The following SLC16A7 variants were observed in gnomAD, a reference collection of about 807,000 sequenced individuals.
SLC16A7 encodes the protein monocarboxylate transporter 2.
Under a neutral mutation model 34.9 loss-of-function variants are expected in SLC16A7, and 33 were observed. The ratio of observed to expected loss-of-function variants is 0.94; its 90% CI spans 0.72 to 1.26. The LOEUF (loss-of-function observed/expected upper bound fraction) is 1.26, where lower values mean the gene tolerates loss of function less well. SLC16A7 is among the 50% of genes most tolerant of loss of function. The pLI, the probability that SLC16A7 is intolerant of heterozygous loss-of-function variation, is 0.00. For synonymous variants in SLC16A7, 201 were observed against 206.6 expected (o/e 0.97, Z 0.23); for missense variants, 573 against 578.1 (o/e 0.99, Z 0.09).
At chr12:59,696,399 C>T (rs1872295666) in intron 2 of SLC16A7, 1 of 151,794 alleles carries the variant, frequency 6.6e-6, no homozygotes. Context: ...TTAGATAATC[C>T]AAAATCTACT....
At chr12:59,712,798 T>A (rs992758540) in intron 3 of SLC16A7, among the ~76,000 whole-genome samples, 1 of 152,178 alleles carries the variant, frequency 6.6e-6, no homozygotes, top group Admixed American at 6.5e-5. Context: ...TGTGATTTGG[T>A]CAGCATCATA....
chr12:59,753,130 A>G (rs2465198), intron 3 of SLC16A7, among the ~76,000 whole-genome samples: 18,656 of 152,196 alleles, frequency 0.12, 1,495 homozygotes, highest in African/African-American at 0.22. Flanking sequence ...AGGAACAACC[A>G]GTACCAGCCA....
intron 2 of SLC16A7, among the ~76,000 whole-genome samples, chr12:59,673,109 A>G (rs576818571): frequency 6.6e-6 from 1 of 152,332 alleles, no homozygotes; most frequent in East Asian, 1.9e-4. Flanking sequence ...ATAATAAAGT[A>G]ACTTACAAGG....
rs1157258271 is a variant in SLC16A7 at position 59,774,793 on chromosome 12, G to A, written c.498G>A (p.Gln166=). 1.2e-6 allele frequency: 2 copies of A among 1,613,766 alleles called. No homozygotes were observed. Among genetic ancestry groups the A allele is most frequent in the Non-Finnish European group, 1.7e-6 (2 of 1,179,948 alleles). The change falls in exon 5 of 6, where the codon CAG becomes CAA. Residue 166 remains glutamine, a synonymous_variant. Transcript: ENST00000547379. ...VFLSSLAPFN[Q]YLFNTFGWKG... is the part of the protein sequence containing the mutation. Reference sequence around the variant, plus strand: ...TAAGTTCATTGGCTCCTTTCAATCAGTACCTTTTTAATACTTTTGGCTGGA... The same window carrying A: ...TAAGTTCATTGGCTCCTTTCAATCAATACCTTTTTAATACTTTTGGCTGGA...
intron 1 of SLC16A7, among the ~76,000 whole-genome samples, chr12:59,612,819 C>T (rs936192563): frequency 7.2e-5 from 11 of 152,278 alleles, no homozygotes; most frequent in Admixed American, 1.3e-4. Context: ...TCCTCATCTC[C>T]ATCTGAGACT....
At chr12:59,693,334 G>T (rs1871896935) in intron 2 of SLC16A7, among the ~76,000 whole-genome samples, 2 of 151,870 alleles carry the variant, frequency 1.3e-5, no homozygotes. Context: ...GTTGAAGAAA[G>T]ATTATTCACA....
intron 2 of SLC16A7, among the ~76,000 whole-genome samples, chr12:59,669,233 AATAC>A (rs1869464773): frequency 6.6e-6 from 1 of 152,210 alleles, no homozygotes; most frequent in Non-Finnish European, 1.5e-5. Flanking sequence ...AAAATATATA[AATAC>A]ATGTGAATCA....
Position 59,774,737 on chromosome 12 carries a change from G to T in SLC16A7, c.442G>T (p.Gly148Ter). Residue 148 changes from glycine (G) to a stop codon, truncating the protein, a stop_gained, in exon 5 of 6, where the codon GGA becomes TGA. Transcript: ENST00000547379. LOFTEE classifies it high-confidence loss of function. ...YFYRKRPMANGLAMAGSPVFL... is the reference protein window; with the variant it reads ...YFYRKRPMAN ...CTATAGGAAGCGACCCATGGCAAAT[G>T]GATTGGCCATGGCAGGAAGTCCTGT... 1 of 1,613,348 alleles carries T rather than the reference G, an allele frequency of 6.2e-7. No individual in the cohort carries two copies. The highest frequency in any genetic ancestry group is 8.5e-7 in the Non-Finnish European group (1 of 1,179,452).
intron 3 of SLC16A7, among the ~76,000 whole-genome samples, chr12:59,745,987 A>G (rs917786246): frequency 1.3e-5 from 2 of 152,204 alleles, no homozygotes; most frequent in Non-Finnish European, 2.9e-5. Context: ...GATGAATGGG[A>G]CATGTCTTAT....
intron 3 of SLC16A7, among the ~76,000 whole-genome samples, chr12:59,742,759 T>G (rs1235159051): frequency 6.6e-6 from 1 of 152,202 alleles, no homozygotes; most frequent in African/African-American, 2.4e-5. Flanking sequence ...TTAATGATAT[T>G]CTTGGGCTAC....
At chr12:59,707,841 C>T (rs544408365) in intron 3 of SLC16A7, among the ~76,000 whole-genome samples, 55 of 152,224 alleles carry the variant, frequency 3.6e-4, no homozygotes, top group African/African-American at 1.2e-3. Flanking sequence ...AATGTTTCAT[C>T]TCTGGCCATA....
At chr12:59,671,835 G>A (rs1592465103) in intron 2 of SLC16A7, among the ~76,000 whole-genome samples, 1 of 127,622 alleles carries the variant, frequency 7.8e-6, no homozygotes, top group South Asian at 2.4e-4. Flanking sequence ...ATGTATATAT[G>A]TATATATGTG....
chr12:59,721,594 T>A (rs890986757), intron 3 of SLC16A7, among the ~76,000 whole-genome samples: 1 of 151,934 alleles, frequency 6.6e-6, no homozygotes, highest in Non-Finnish European at 1.5e-5. Context: ...CATAGTTATG[T>A]CCTTCCCTTT....
At chr12:59,639,520 A>G (rs1880581033) in intron 1 of SLC16A7, among the ~76,000 whole-genome samples, 2 of 152,108 alleles carry the variant, frequency 1.3e-5, no homozygotes, top group African/African-American at 4.8e-5. Context: ...AGTAGCTGGG[A>G]CGAGAGATGC....
intron 1 of SLC16A7, among the ~76,000 whole-genome samples, chr12:59,638,966 T>C (rs1880553585): frequency 6.6e-6 from 1 of 152,188 alleles, no homozygotes; most frequent in Non-Finnish European, 1.5e-5. Context: ...ATGAGCAAAC[T>C]GTATAATACT....
At chr12:59,603,929 A>G (rs1212630661) in intron 1 of SLC16A7, among the ~76,000 whole-genome samples, 2 of 152,212 alleles carry the variant, frequency 1.3e-5, no homozygotes, top group Non-Finnish European at 1.5e-5. Context: ...GTTTCTACCT[A>G]GGGTCTTTGT....
chr12:59,625,939 A>G (rs1480104631), intron 1 of SLC16A7, among the ~76,000 whole-genome samples: 1 of 151,832 alleles, frequency 6.6e-6, no homozygotes, highest in Admixed American at 6.6e-5. Context: ...ATTGTTACTT[A>G]AAGGAGCAGA....
chr12:59,689,538 A>G (rs1275891468), intron 2 of SLC16A7: 1 of 152,034 alleles, frequency 6.6e-6, no homozygotes, highest in Non-Finnish European at 1.5e-5. Context: ...TTAGAAACTT[A>G]AGGGATTCTA....
chr12:59,681,900 C>T (rs1052288529), intron 2 of SLC16A7, among the ~76,000 whole-genome samples: 2 of 151,952 alleles, frequency 1.3e-5, no homozygotes, highest in Non-Finnish European at 2.9e-5. Context: ...ATTTCTATCA[C>T]CTGTAGGGAC....
Sources: allele counts gnomAD v4.1 joint callset (sites outside exome capture counted in the v4.1 genomes callset), GRCh38; gene constraint gnomAD v4.1.1; transcripts MANE v1.5; gene names NCBI Gene and HGNC (gene_info 2026-07-23, HGNC 2026-07-21).